The following FGF14 variants were observed in gnomAD, a reference collection of about 807,000 sequenced individuals.
FGF14 encodes the protein fibroblast growth factor homologous factor 4.
FGF14 carries 5 observed loss-of-function variants against 25.5 expected under a neutral mutation model. That is an observed-to-expected ratio of 0.20 (90% CI 0.10 to 0.41). The LOEUF (loss-of-function observed/expected upper bound fraction) is 0.41, where lower values mean the gene tolerates loss of function less well. Ranked by LOEUF, FGF14 falls within the 10% of genes least tolerant of loss-of-function variation. FGF14 has a pLI of 1.00. For synonymous variants in FGF14, 138 were observed against 118.3 expected (o/e 1.17, Z -1.08); for missense variants, 222 against 320.1 (o/e 0.69, Z 2.34).
At chr13:102,245,755 T>A (rs1476557530) in intron 1 of FGF14, among the ~76,000 whole-genome samples, 1 of 152,076 alleles carries the variant, frequency 6.6e-6, no homozygotes, top group East Asian at 1.9e-4. Flanking sequence ...GGGCTTCTAT[T>A]ACCCTCAAAA....
At chr13:102,329,587 T>C (rs2056571398) in intron 1 of FGF14, among the ~76,000 whole-genome samples, 1 of 152,194 alleles carries the variant, frequency 6.6e-6, no homozygotes, top group African/African-American at 2.4e-5. Flanking sequence ...AAAATAATCC[T>C]TGGTGATTTC....
intron 1 of FGF14, among the ~76,000 whole-genome samples, chr13:101,958,636 T>C (rs2036652608): frequency 6.6e-6 from 1 of 152,206 alleles, no homozygotes; most frequent in Non-Finnish European, 1.5e-5. Context: ...AGAATACTAC[T>C]ATAAGTCTTG....
chr13:101,823,560 C>T (rs1045663787), intron 3 of FGF14, among the ~76,000 whole-genome samples: 1 of 150,652 alleles, frequency 6.6e-6, no homozygotes, highest in Non-Finnish European at 1.5e-5. Flanking sequence ...GCCTCAGCCT[C>T]CCCAGTAGCT....
chr13:101,728,994 G>C (rs549078789), intron 3 of FGF14, among the ~76,000 whole-genome samples: 1 of 152,220 alleles, frequency 6.6e-6, no homozygotes, highest in African/African-American at 2.4e-5. Context: ...ATATGGAAGA[G>C]AAGAAGATGC....
intron 1 of FGF14, among the ~76,000 whole-genome samples, chr13:102,165,174 G>A (rs1358779326): frequency 6.6e-6 from 1 of 152,110 alleles, no homozygotes; most frequent in East Asian, 1.9e-4. Flanking sequence ...AACAGGTGCT[G>A]GAGAGGATGT....
At chr13:102,161,652 GAAGAAGAAGAAGAAGAAGAAGAAGAA>G (rs2047735901) in intron 1 of FGF14, among the ~76,000 whole-genome samples, 10 of 16,954 alleles carry the variant, frequency 5.9e-4, no homozygotes, top group African/African-American at 2.2e-3. Context: ...AGAAGAAGAA[GAAGAAGAAGAAGAAGAAGAAGAAGAA>G]GAAGAAGAAG....
rs774872814 is a variant in FGF14 at position 102,006,727 on chromosome 13, C to CTTTTTTTTTTTT, written c.209-131443_209-131432dup. On this transcript the variant is annotated intron_variant, in intron 1 of 4. Coordinates refer to the FGF14 transcript ENST00000376131. The stretch of plus-strand genomic sequence containing the variant: ...AAATATGAGTCACAAAATCTTACTT[C>CTTTTTTTTTTTT]TTTTTTTTTTTTTTTTTTTTTTTTT... Among the ~76,000 whole-genome samples, 31 of 61,966 alleles carry CTTTTTTTTTTTT rather than the reference C, an allele frequency of 5.0e-4. 5 individuals are homozygous for CTTTTTTTTTTTT. The highest frequency in any genetic ancestry group is 1.9e-3 in the African/African-American group (27 of 13,920). The allele number at this position is 61,966 out of a possible 152,430, so 40.7% of individuals were successfully genotyped here.
chr13:101,821,806 C>T (rs2042169733), intron 3 of FGF14, among the ~76,000 whole-genome samples: 1 of 152,124 alleles, frequency 6.6e-6, no homozygotes, highest in Admixed American at 6.5e-5. Flanking sequence ...TCATAAATTT[C>T]TTGGCTATCT....
chr13:102,123,840 G>A (rs1253661320), intron 1 of FGF14, among the ~76,000 whole-genome samples: 1 of 152,218 alleles, frequency 6.6e-6, no homozygotes, highest in East Asian at 1.9e-4. Flanking sequence ...AGTCATTTAC[G>A]TGAATTAAAT....
At chr13:102,136,657 AT>A (rs2046422436) in intron 1 of FGF14, among the ~76,000 whole-genome samples, 1 of 146,366 alleles carries the variant, frequency 6.8e-6, no homozygotes, top group African/African-American at 2.6e-5. Flanking sequence ...AATAAATTCT[AT>A]GGGAAAAAAA....
intron 3 of FGF14, among the ~76,000 whole-genome samples, chr13:101,806,463 A>T (rs546152482): frequency 1.6e-4 from 25 of 151,634 alleles, no homozygotes; most frequent in African/African-American, 5.6e-4. Context: ...ATGTATATGT[A>T]CATTGAGAAA....
At chr13:102,063,119 A>G (rs1379937624) in intron 1 of FGF14, among the ~76,000 whole-genome samples, 1 of 152,166 alleles carries the variant, frequency 6.6e-6, no homozygotes, top group Admixed American at 6.5e-5. Context: ...TCCTTACTGT[A>G]AAATGCTTTG....
intron 1 of FGF14, among the ~76,000 whole-genome samples, chr13:102,126,254 T>C (rs574713185): frequency 1.8e-4 from 27 of 152,296 alleles, no homozygotes; most frequent in African/African-American, 6.3e-4. Context: ...TGATCATCTC[T>C]AATCTACTTT....
intron 1 of FGF14, among the ~76,000 whole-genome samples, chr13:102,376,481 C>G (rs549261222): frequency 6.6e-6 from 1 of 152,266 alleles, no homozygotes; most frequent in South Asian, 2.1e-4. Flanking sequence ...CTCCTCCATG[C>G]CCTCATTCAT....
At chr13:102,020,267 A>G (rs760568413) in intron 1 of FGF14, among the ~76,000 whole-genome samples, 15 of 151,142 alleles carry the variant, frequency 9.9e-5, no homozygotes, top group Non-Finnish European at 1.9e-4. Context: ...GTGAGAGAAT[A>G]GGCGGGTATG....
chr13:102,392,313 G>A (rs1277369751), intron 1 of FGF14, among the ~76,000 whole-genome samples: 6 of 152,088 alleles, frequency 3.9e-5, no homozygotes, highest in African/African-American at 1.4e-4. Context: ...GCTTTTAATT[G>A]CACTACTTGA....
At chr13:102,154,743 C>A (rs890998007) in intron 1 of FGF14, among the ~76,000 whole-genome samples, 6 of 151,978 alleles carry the variant, frequency 3.9e-5, no homozygotes, top group Admixed American at 2.0e-4. Flanking sequence ...AGAGTCAAGA[C>A]CCATCAGTGT....
At chr13:102,152,231 G>C (rs1173327575) in intron 1 of FGF14, among the ~76,000 whole-genome samples, 3 of 152,112 alleles carry the variant, frequency 2.0e-5, no homozygotes, top group African/African-American at 4.8e-5. Context: ...TTTAAGACTT[G>C]GTAAAGCTCC....
chr13:102,127,883 A>T (rs1028673251), intron 1 of FGF14, among the ~76,000 whole-genome samples: 1 of 152,262 alleles, frequency 6.6e-6, no homozygotes, highest in East Asian at 1.9e-4. Context: ...GCTGGCAGCT[A>T]TCAGCTGTCT....
Sources: allele counts gnomAD v4.1 joint callset (sites outside exome capture counted in the v4.1 genomes callset), GRCh38; gene constraint gnomAD v4.1.1; transcripts MANE v1.5; gene names NCBI Gene and HGNC (gene_info 2026-07-23, HGNC 2026-07-21).